The following AHCTF1 variants were observed in gnomAD, a reference collection of about 807,000 sequenced individuals.
AHCTF1 encodes AT-hook containing transcription factor 1, also known as protein ELYS.
In AHCTF1, 24 loss-of-function variants were observed where a neutral mutation model predicts 248.4. The ratio of observed to expected loss-of-function variants is 0.10; its 90% CI spans 0.07 to 0.14. AHCTF1 has a LOEUF of 0.14. Ranked by LOEUF, AHCTF1 falls within the 10% of genes least tolerant of loss-of-function variation. AHCTF1 has a pLI of 1.00. For missense variants in AHCTF1, 2,206 were observed against 2,636.2 expected, an observed-to-expected ratio of 0.84 and a Z score of 3.57; for synonymous variants, 786 against 929.8, an observed-to-expected ratio of 0.85 and a Z score of 2.81.
At chr1:246,892,512 G>A (rs1241620661) in intron 14 of AHCTF1, among the ~76,000 whole-genome samples, 2 of 151,750 alleles carry the variant, frequency 1.3e-5, no homozygotes, top group African/African-American at 4.8e-5. Flanking sequence ...GTAAAGATGA[G>A]GTTTCACCAT....
chr1:246,847,514 T>C (rs1660368067), intron 33 of AHCTF1, among the ~76,000 whole-genome samples: 1 of 152,190 alleles, frequency 6.6e-6, no homozygotes, highest in Admixed American at 6.5e-5. Flanking sequence ...TGTTTTTGTT[T>C]TGAGACGTGG....
intron 21 of AHCTF1, among the ~76,000 whole-genome samples, chr1:246,878,764 C>G (rs1398456887): frequency 6.6e-6 from 1 of 152,174 alleles, no homozygotes; most frequent in Non-Finnish European, 1.5e-5. Flanking sequence ...TCAGGGCCAT[C>G]TGTTACTTTT....
At chr1:246,920,142 CA>C (rs68194249) in intron 1 of AHCTF1, among the ~76,000 whole-genome samples, 765 of 40,756 alleles carry the variant, frequency 0.019, 1 homozygote, top group African/African-American at 0.048. Flanking sequence ...CTGTCCCCCG[CA>C]AAAAAAAAAA....
intron 23 of AHCTF1, among the ~76,000 whole-genome samples, chr1:246,876,742 A>G (rs1042625903): frequency 6.6e-5 from 10 of 152,308 alleles, no homozygotes; most frequent in African/African-American, 2.2e-4. Flanking sequence ...TTGTAGGCAG[A>G]CATCAGAACA....
chr1:246,894,862 T>G (rs1352044433), intron 13 of AHCTF1, 114 bp from the exon 14 acceptor site: 2 of 801,646 alleles, frequency 2.5e-6, no homozygotes, highest in African/African-American at 1.7e-5. Flanking sequence ...ACATCAACAC[T>G]TCAGGGAGGC....
intron 24 of AHCTF1, among the ~76,000 whole-genome samples, chr1:246,871,115 A>G (rs1428795660): frequency 1.3e-5 from 2 of 152,176 alleles, no homozygotes; most frequent in African/African-American, 4.8e-5. Flanking sequence ...GGACCACTAA[A>G]AAAGGTGGTG....
Position 246,839,541 on chromosome 1 carries a change from G to A in AHCTF1, c.*1265C>T, listed in dbSNP as rs1379408545. On this transcript the variant is annotated 3_prime_UTR_variant, in exon 36 of 36. Coordinates refer to ENST00000648844, the MANE Select transcript of AHCTF1 (RefSeq NM_001323342.2). ...ACATCCATCACTAACCTGACTAAAA[G>A]GCCGCACTCGCACTGCTTTCACACT... 1.0e-6 allele frequency: 1 copy of A among 985,694 alleles called. No homozygotes were observed. Among genetic ancestry groups the A allele is most frequent in the Non-Finnish European group, 1.2e-6 (1 of 829,928 alleles). The allele number at this position is 985,694 out of a possible 1,614,324, so 61.1% of individuals were successfully genotyped here. A position where few individuals can be genotyped will look rare whatever the true frequency, so the allele number is the denominator to read the frequency against.
In AHCTF1 at chr1:246,913,383, A is replaced by G. The variant is rs758987725; in HGVS notation, c.405T>C (p.His135=). Residue 135 remains histidine (H), a synonymous_variant, in exon 4 of 36, where the codon CAT becomes CAC. Transcript: ENST00000648844. ...GCTGAGTGCTTGCACTGGCTCCTCCATGATTAATTATAGGTTCAATAGCTG... is the reference window on the plus strand; with the variant it reads ...GCTGAGTGCTTGCACTGGCTCCTCCGTGATTAATTATAGGTTCAATAGCTG... ...RVTAIEPIIN[H]GGASASTQHL... The G allele has an allele frequency of 6.2e-7, 1 of 1,612,720 alleles. No homozygotes were observed. Among genetic ancestry groups the G allele is most frequent in the South Asian group, 1.1e-5 (1 of 90,780 alleles).
chr1:246,907,499 T>A, intron 5 of AHCTF1, 52 bp downstream of exon 5: 2 of 1,504,758 alleles, frequency 1.3e-6, no homozygotes, highest in South Asian at 2.4e-5. Context: ...GAGTACAAGC[T>A]ATATGCAAAA....
intron 4 of AHCTF1, among the ~76,000 whole-genome samples, chr1:246,912,664 T>C (rs1019242615): frequency 2.3e-4 from 35 of 152,352 alleles, no homozygotes; most frequent in Non-Finnish European, 4.4e-4. Flanking sequence ...AAAGTAATTT[T>C]ATAAATACAA....
At chr1:246,890,180 TA>T in intron 16 of AHCTF1, 121 bp from the exon 17 acceptor site, 1 of 593,820 alleles carries the variant, frequency 1.7e-6, no homozygotes, top group Non-Finnish European at 2.9e-6. Flanking sequence ...ACAGGGTGGG[TA>T]TATTTAGGTA....
chr1:246,929,922 T>C (rs190391748), intron 1 of AHCTF1, among the ~76,000 whole-genome samples: 7 of 151,732 alleles, frequency 4.6e-5, no homozygotes, highest in East Asian at 3.9e-4. Context: ...TGTGGTGGCG[T>C]GCGCCTGTAA....
chr1:246,884,907 T>C (rs1663705606), intron 21 of AHCTF1, among the ~76,000 whole-genome samples: 1 of 152,172 alleles, frequency 6.6e-6, no homozygotes, highest in South Asian at 2.1e-4. Context: ...CAGAGTACCA[T>C]TACTGAATAC....
At chr1:246,923,107 C>G (rs1363487865) in intron 1 of AHCTF1, among the ~76,000 whole-genome samples, 1 of 84,234 alleles carries the variant, frequency 1.2e-5, no homozygotes, top group Non-Finnish European at 2.1e-5. Context: ...TCAAATAATA[C>G]CAAAAAAAAA....
In AHCTF1 at chr1:246,860,916, T is replaced by C. The variant is rs1289809441; in HGVS notation, c.4115A>G (p.Asp1372Gly). 22 of 1,609,978 alleles carry C rather than the reference T, an allele frequency of 1.4e-5. No individual in the cohort carries two copies. The highest frequency in any genetic ancestry group is 1.9e-5 in the Non-Finnish European group (22 of 1,176,528). The change falls in exon 29 of 36, where the codon GAC becomes GGC. Residue 1372 changes from aspartate to glycine, a missense_variant. Around this residue, in one of 6 missense-constraint regions of AHCTF1, gnomAD observed 955 missense variants for 1,055.6 expected, o/e 0.90. Coordinates refer to ENST00000648844, the MANE Select transcript of AHCTF1 (RefSeq NM_001323342.2). ...GTTCTTACCCATTTGTTTCTGTAGGTCTGAAGGAGTTACTTCTGATGCAAA... is the reference window on the plus strand; with the variant it reads ...GTTCTTACCCATTTGTTTCTGTAGGCCTGAAGGAGTTACTTCTGATGCAAA... ...DVFASEVTPS[D>G]LQKQMGNLED...
intron 6 of AHCTF1, 21 bp from the exon 7 acceptor site, chr1:246,904,054 G>A: frequency 6.3e-7 from 1 of 1,595,720 alleles, no homozygotes; most frequent in Non-Finnish European, 8.6e-7. Flanking sequence ...AATTAACGAA[G>A]ACACGCTAAA....
At chr1:246,919,798 T>C (rs1666396807) in intron 1 of AHCTF1, among the ~76,000 whole-genome samples, 1 of 151,436 alleles carries the variant, frequency 6.6e-6, no homozygotes, top group Non-Finnish European at 1.5e-5. Flanking sequence ...ACATATCCTC[T>C]GGAATCTCAA....
At chr1:246,906,760 T>A (rs1665424015) in intron 5 of AHCTF1, among the ~76,000 whole-genome samples, 1 of 152,184 alleles carries the variant, frequency 6.6e-6, no homozygotes, top group South Asian at 2.1e-4. Context: ...TAACACAAAT[T>A]AACTTAGCTA....
At position 246,839,901 on chromosome 1, in the gene AHCTF1, TCTGTGC is replaced by T. The variant is rs1426788378; in HGVS notation, c.*899_*904del. The T allele has an allele frequency of 2.0e-5, 3 of 152,634 alleles. No individual in the cohort carries two copies. Among genetic ancestry groups the T allele is most frequent in the Non-Finnish European group, 4.4e-5 (3 of 68,044 alleles). 9.5% of individuals were successfully genotyped at this position (152,634 alleles called of 1,614,324 possible). A position where few individuals can be genotyped will look rare whatever the true frequency, so the allele number is the denominator to read the frequency against. On this transcript the variant is annotated 3_prime_UTR_variant, in exon 36 of 36. Transcript: ENST00000648844. ...ACTCACTCTCTCCCAACCTCAATAA[TCTGTGC>T]CTGAGGTCCTGTGAGAATTTGCCAG...
Sources: gnomAD v4.1 joint callset for allele counts (sites outside exome capture counted in the v4.1 genomes callset) on GRCh38, gnomAD v4.1.1 for gene constraint, gnomAD v4.1.1 regional missense constraint, MANE v1.5 for transcripts, NCBI Gene and HGNC (gene_info 2026-07-23, HGNC 2026-07-21) for gene names.